The following NAPEPLD variants were observed in gnomAD, a reference collection of about 807,000 sequenced individuals.
The protein encoded by NAPEPLD is N-acyl-phosphatidylethanolamine-hydrolyzing phospholipase D.
In NAPEPLD, 23 loss-of-function variants were observed where a neutral mutation model predicts 38.1. The observed-to-expected ratio is 0.60, with a 90% CI of 0.43 to 0.86. NAPEPLD has a LOEUF of 0.86. Ranked by LOEUF, NAPEPLD falls within the 40% of genes least tolerant of loss-of-function variation. The pLI, the probability that NAPEPLD is intolerant of heterozygous loss-of-function variation, is 0.00. For missense variants in NAPEPLD, 411 were observed against 476.8 expected, an observed-to-expected ratio of 0.86 and a Z score of 1.28; for synonymous variants, 147 against 162.0, an observed-to-expected ratio of 0.91 and a Z score of 0.71.
intron 4 of NAPEPLD, among the ~76,000 whole-genome samples, chr7:103,113,460 A>G (rs543892545): frequency 5.9e-5 from 9 of 152,284 alleles, no homozygotes; most frequent in African/African-American, 2.2e-4. Flanking sequence ...AGGGCAGGCC[A>G]TAAGTGAGAC....
chr7:103,117,078 C>T (rs1805727532), intron 3 of NAPEPLD, among the ~76,000 whole-genome samples: 1 of 152,226 alleles, frequency 6.6e-6, no homozygotes, highest in Admixed American at 6.5e-5. Flanking sequence ...AAAAACAACA[C>T]TGTATTCACA....
chr7:103,110,952 C>T (rs1024473948), intron 4 of NAPEPLD, among the ~76,000 whole-genome samples: 1 of 151,946 alleles, frequency 6.6e-6, no homozygotes, highest in African/African-American at 2.4e-5. Context: ...AACTCAAAAG[C>T]GAGCAGAAGA....
chr7:103,139,714 C>T (rs543505245), intron 1 of NAPEPLD, among the ~76,000 whole-genome samples: 1 of 152,276 alleles, frequency 6.6e-6, no homozygotes, highest in Non-Finnish European at 1.5e-5. Context: ...CAGTGTCATG[C>T]GTGGTCCATC....
intron 4 of NAPEPLD, among the ~76,000 whole-genome samples, chr7:103,108,844 C>G (rs909734222): frequency 1.3e-5 from 2 of 151,998 alleles, no homozygotes; most frequent in Non-Finnish European, 2.9e-5. Flanking sequence ...TTCAGAAGAC[C>G]CAACTCATGT....
chr7:103,132,519 T>G (rs1809154687), intron 1 of NAPEPLD, among the ~76,000 whole-genome samples: 2 of 151,946 alleles, frequency 1.3e-5, no homozygotes, highest in South Asian at 4.2e-4. Context: ...TTGAGAAGGG[T>G]TTGAGGTCAT....
At chr7:103,145,544 G>A (rs1467358884) in intron 1 of NAPEPLD, among the ~76,000 whole-genome samples, 2 of 152,220 alleles carry the variant, frequency 1.3e-5, no homozygotes, top group Non-Finnish European at 2.9e-5. Context: ...AATCATGACA[G>A]GCTAAACTCC....
chr7:103,138,474 T>C (rs1205088534), intron 1 of NAPEPLD, among the ~76,000 whole-genome samples: 3 of 5,558 alleles, frequency 5.4e-4, no homozygotes, highest in African/African-American at 5.6e-4. Flanking sequence ...TCTACAGCCC[T>C]TTTTTTTTTT....
At position 103,122,505 on chromosome 7, in the gene NAPEPLD, GGAA is replaced by G. The variant is rs1445084697; in HGVS notation, c.295-2285_295-2283del. 2.0e-5 allele frequency among the ~76,000 whole-genome samples: 3 copies of G among 152,132 alleles called. No homozygotes were observed. The South Asian group carries it at 6.2e-4, about 32-fold the overall frequency. Reference sequence around the variant, plus strand: ...GTCAATGAGAGAGTGAGTCTGAATGGGAAGAAGGCCTGGACAGGAAGAGAAGGA... The same window carrying G: ...GTCAATGAGAGAGTGAGTCTGAATGGGAAGGCCTGGACAGGAAGAGAAGGA... On this transcript the variant is annotated intron_variant, in intron 2 of 4. Coordinates refer to ENST00000465647, the MANE Select transcript of NAPEPLD (RefSeq NM_001122838.3).
At chr7:103,114,062 C>T (rs1478299297) in intron 4 of NAPEPLD, among the ~76,000 whole-genome samples, 1 of 151,696 alleles carries the variant, frequency 6.6e-6, no homozygotes, top group Non-Finnish European at 1.5e-5. Context: ...CCACGCCTGG[C>T]TATTTTGTAT....
At chr7:103,127,314 C>T (rs1376400435) in intron 2 of NAPEPLD, 1 of 152,178 alleles carries the variant, frequency 6.6e-6, no homozygotes, top group Non-Finnish European at 1.5e-5. Flanking sequence ...GCAATACTCT[C>T]AAATTCTGAG....
intron 2 of NAPEPLD, 45 bp from the exon 3 acceptor site, chr7:103,120,268 A>C: frequency 6.4e-7 from 1 of 1,562,326 alleles, no homozygotes; most frequent in South Asian, 1.2e-5. Context: ...TTAGAAAAAA[A>C]AGTATTATAT....
intron 1 of NAPEPLD, among the ~76,000 whole-genome samples, chr7:103,142,371 C>T (rs1477178120): frequency 6.6e-6 from 1 of 151,936 alleles, no homozygotes; most frequent in Non-Finnish European, 1.5e-5. Context: ...TTTGGGAGGC[C>T]GAGGCAGGTG....
At chr7:103,140,628 C>T (rs1430617458) in intron 1 of NAPEPLD, among the ~76,000 whole-genome samples, 3 of 152,104 alleles carry the variant, frequency 2.0e-5, no homozygotes, top group Middle Eastern at 3.4e-3. Flanking sequence ...CTCCTGACCT[C>T]GTGATCTGCC....
chr7:103,124,600 T>C (rs1238136561), intron 2 of NAPEPLD, among the ~76,000 whole-genome samples: 1 of 152,200 alleles, frequency 6.6e-6, no homozygotes. Context: ...GGTCTTCCTT[T>C]TTGAAAGCTG....
chr7:103,131,478 G>A (rs1284920045), intron 1 of NAPEPLD, among the ~76,000 whole-genome samples: 2 of 152,134 alleles, frequency 1.3e-5, no homozygotes, highest in Admixed American at 1.3e-4. Flanking sequence ...GGCCAAGATG[G>A]TGAAACCCTG....
At chr7:103,144,301 T>C (rs1812107294) in intron 1 of NAPEPLD, among the ~76,000 whole-genome samples, 1 of 152,224 alleles carries the variant, frequency 6.6e-6, no homozygotes, top group East Asian at 1.9e-4. Flanking sequence ...GTTTTGTTTT[T>C]TTGGCTTTCA....
chr7:103,112,504 C>T (rs988960759), intron 4 of NAPEPLD, among the ~76,000 whole-genome samples: 2 of 151,998 alleles, frequency 1.3e-5, no homozygotes, highest in African/African-American at 2.4e-5. Context: ...AACACAAGAA[C>T]AGAAAACCAA....
intron 1 of NAPEPLD, among the ~76,000 whole-genome samples, chr7:103,130,390 G>C (rs1265478581): frequency 2.0e-5 from 3 of 152,204 alleles, no homozygotes; most frequent in Admixed American, 6.5e-5. Flanking sequence ...GAGCTCAAGA[G>C]TTAAGAGAGA....
chr7:103,113,758 G>C (rs1289866092), intron 4 of NAPEPLD, among the ~76,000 whole-genome samples: 1 of 151,596 alleles, frequency 6.6e-6, no homozygotes, highest in East Asian at 1.9e-4. Context: ...AGGCTCCCGA[G>C]TAGCTGGAAT....
Sources: gnomAD v4.1 joint callset for allele counts (sites outside exome capture counted in the v4.1 genomes callset) on GRCh38, gnomAD v4.1.1 for gene constraint, MANE v1.5 for transcripts, NCBI Gene and HGNC (gene_info 2026-07-23, HGNC 2026-07-21) for gene names.